The following ASIC2 variants were observed in gnomAD, a reference collection of about 807,000 sequenced individuals.
ASIC2 encodes acid sensing ion channel subunit 2.
Under a neutral mutation model 57.3 loss-of-function variants are expected in ASIC2, and 25 were observed. That is an observed-to-expected ratio of 0.44 (90% CI 0.32 to 0.61). The LOEUF (loss-of-function observed/expected upper bound fraction) is 0.61. Among genes scored for constraint, ASIC2 ranks in the 20% least tolerant of loss-of-function variants. The pLI, the probability that ASIC2 is intolerant of heterozygous loss-of-function variation, is 0.06. For missense variants in ASIC2, 641 were observed against 738.1 expected (o/e 0.87, Z 1.52); for synonymous variants, 319 against 307.5 (o/e 1.04, Z -0.39).
At chr17:33,452,699 C>T (rs527832719) in intron 1 of ASIC2, among the ~76,000 whole-genome samples, 1 of 150,302 alleles carries the variant, frequency 6.7e-6, no homozygotes, top group African/African-American at 2.5e-5. Flanking sequence ...ATGCTACTGT[C>T]TCTAAAGATT....
At chr17:33,856,910 G>A (rs1913971953) in intron 1 of ASIC2, among the ~76,000 whole-genome samples, 1 of 152,106 alleles carries the variant, frequency 6.6e-6, no homozygotes, top group Non-Finnish European at 1.5e-5. Flanking sequence ...GGCTGTGGGT[G>A]ACCTACTGAG....
intron 1 of ASIC2, among the ~76,000 whole-genome samples, chr17:33,261,853 A>G (rs542999202): frequency 6.6e-6 from 1 of 152,264 alleles, no homozygotes; most frequent in East Asian, 1.9e-4. Context: ...CCTTCACTCC[A>G]GAGGCGTCTC....
chr17:33,334,432 C>T (rs533762513), intron 1 of ASIC2, among the ~76,000 whole-genome samples: 18 of 152,278 alleles, frequency 1.2e-4, no homozygotes, highest in Non-Finnish European at 1.2e-4. Flanking sequence ...CTCTCTGCAG[C>T]GGCTTCAGGT....
chr17:33,170,395 A>G (rs1905466268), intron 1 of ASIC2, among the ~76,000 whole-genome samples: 1 of 152,232 alleles, frequency 6.6e-6, no homozygotes, highest in South Asian at 2.1e-4. Flanking sequence ...CAGATCATTA[A>G]CTATTTGACT....
chr17:33,202,004 G>A (rs1206687075), intron 1 of ASIC2, among the ~76,000 whole-genome samples: 6 of 132,164 alleles, frequency 4.5e-5, no homozygotes, highest in Admixed American at 8.4e-5. Context: ...TTGGTGACAC[G>A]GTGAGACTGT....
At chr17:33,319,549 T>C (rs1906786828) in intron 1 of ASIC2, among the ~76,000 whole-genome samples, 1 of 152,240 alleles carries the variant, frequency 6.6e-6, no homozygotes, top group Non-Finnish European at 1.5e-5. Flanking sequence ...ATTTATGGGT[T>C]ACATGAGATA....
At chr17:33,714,719 C>T (rs1909156171) in intron 1 of ASIC2, among the ~76,000 whole-genome samples, 1 of 151,106 alleles carries the variant, frequency 6.6e-6, no homozygotes. Context: ...GCCTGTTTCT[C>T]TTACTCATAT....
chr17:33,701,746 G>A (rs566454413), intron 1 of ASIC2, among the ~76,000 whole-genome samples: 1 of 152,300 alleles, frequency 6.6e-6, no homozygotes, highest in South Asian at 2.1e-4. Context: ...AAGTCATGAG[G>A]TATTTGCAAG....
chr17:33,049,048 G>A (rs555207531), intron 3 of ASIC2, among the ~76,000 whole-genome samples: 1 of 152,308 alleles, frequency 6.6e-6, no homozygotes, highest in East Asian at 1.9e-4. Context: ...AGGCAGGAAG[G>A]GGCAGATGGT....
intron 1 of ASIC2, among the ~76,000 whole-genome samples, chr17:33,384,362 C>G (rs898683351): frequency 1.3e-5 from 2 of 152,144 alleles, no homozygotes; most frequent in Admixed American, 6.5e-5. Context: ...AAAGAATGCT[C>G]TAATAAGTCA....
intron 1 of ASIC2, among the ~76,000 whole-genome samples, chr17:33,635,991 A>G (rs1906349848): frequency 6.6e-6 from 1 of 152,260 alleles, no homozygotes; most frequent in Non-Finnish European, 1.5e-5. Context: ...AACCATTTCA[A>G]TGACGGATAC....
rs189376499 is a variant in ASIC2 at position 33,732,271 on chromosome 17, G to T, written c.555+423707C>A. Among the ~76,000 whole-genome samples the T allele has an allele frequency of 4.3e-4, 66 of 152,294 alleles. 1 individual carries two copies. The highest frequency in any genetic ancestry group is 3.3e-3 in the Admixed American group (51 of 15,300). On this transcript the variant is annotated intron_variant, in intron 1 of 9. Transcript: ENST00000359872. Reference sequence around the variant, plus strand: ...TCGTAGCACATGTGTTCAATGGAAGGCCAGGAAGACCAAAGGAGTCATTCA... The same window carrying T: ...TCGTAGCACATGTGTTCAATGGAAGTCCAGGAAGACCAAAGGAGTCATTCA...
intron 1 of ASIC2, among the ~76,000 whole-genome samples, chr17:33,377,955 C>T (rs928881224): frequency 3.9e-5 from 6 of 152,202 alleles, no homozygotes; most frequent in African/African-American, 9.7e-5. Flanking sequence ...CTGAGCAATA[C>T]CAGTTCAGCA....
intron 1 of ASIC2, among the ~76,000 whole-genome samples, chr17:34,143,368 C>T (rs1598046068): frequency 6.6e-6 from 1 of 152,212 alleles, no homozygotes; most frequent in East Asian, 1.9e-4. Flanking sequence ...GAAGCTTGGT[C>T]CCAAATGTGA....
At chr17:33,880,556 G>C (rs1420009779) in intron 1 of ASIC2, among the ~76,000 whole-genome samples, 1 of 152,098 alleles carries the variant, frequency 6.6e-6, no homozygotes, top group Non-Finnish European at 1.5e-5. Context: ...GACTAAACCA[G>C]GAAGAAGTTG....
intron 1 of ASIC2, among the ~76,000 whole-genome samples, chr17:33,847,045 A>C (rs1429007101): frequency 1.3e-5 from 2 of 152,018 alleles, no homozygotes; most frequent in Admixed American, 1.3e-4. Flanking sequence ...CAGCAGCAGG[A>C]GGAGTCTCCA....
intron 1 of ASIC2, among the ~76,000 whole-genome samples, chr17:33,429,907 C>T (rs1300272071): frequency 6.6e-6 from 1 of 152,140 alleles, no homozygotes; most frequent in Non-Finnish European, 1.5e-5. Flanking sequence ...AAGCAACCTG[C>T]TTAAGTTGAA....
At chr17:33,733,040 T>C (rs1474735016) in intron 1 of ASIC2, among the ~76,000 whole-genome samples, 2 of 152,230 alleles carry the variant, frequency 1.3e-5, no homozygotes, top group African/African-American at 4.8e-5. Flanking sequence ...ATGTTCCCTG[T>C]TTACTCTTTG....
intron 1 of ASIC2, among the ~76,000 whole-genome samples, chr17:33,712,069 T>A (rs893816316): frequency 6.6e-6 from 1 of 152,156 alleles, no homozygotes; most frequent in Non-Finnish European, 1.5e-5. Flanking sequence ...AGAAAGGAAT[T>A]CCCAAGAGTG....
Sources: gnomAD v4.1 joint callset for allele counts (sites outside exome capture counted in the v4.1 genomes callset) on GRCh38, gnomAD v4.1.1 for gene constraint, MANE v1.5 for transcripts, NCBI Gene and HGNC (gene_info 2026-07-23, HGNC 2026-07-21) for gene names.